Variants in TUBGCP6 observed in about 807,000 individuals in gnomAD.
TUBGCP6 encodes the protein gamma-tubulin complex component 6.
Under a neutral mutation model 175.8 loss-of-function variants are expected in TUBGCP6, and 161 were observed. That is an observed-to-expected ratio of 0.92 (90% confidence interval 0.81 to 1.04). The LOEUF (loss-of-function observed/expected upper bound fraction) is 1.04, where lower values mean the gene tolerates loss of function less well. Among genes scored for constraint, TUBGCP6 ranks in the 50% least tolerant of loss-of-function variants. TUBGCP6 has a pLI of 0.00. For missense variants in TUBGCP6, 2,572 were observed against 2,433.0 expected (o/e 1.06, Z -1.20); for synonymous variants, 1,173 against 1,030.5 (o/e 1.14, Z -2.65).
intron 4 of TUBGCP6, 100 bp downstream of exon 4, chr22:50,229,304 G>C (rs2064658673): frequency 7.5e-7 from 1 of 1,326,656 alleles, no homozygotes; most frequent in Admixed American, 2.3e-5. Flanking sequence ...AAAAGGTTTA[G>C]ACTCTCTGGT....
In TUBGCP6 at chr22:50,221,593, C is replaced by G; in HGVS notation, c.2766G>C (p.Leu922=). 1 of 1,569,888 alleles carries G rather than the reference C, an allele frequency of 6.4e-7. No homozygotes were observed. Residue 922 remains leucine (L), a synonymous_variant, in exon 16 of 25, where the codon CTG becomes CTC. Transcript: ENST00000248846. The stretch of plus-strand genomic sequence containing the variant: ...GGGGCAGGTCCAAGTTAATGGTCTG[C>G]AGCGCCACCTCCAGGAGAGGGACCA... ...TGMVPLLEVA[L]QTINLDLPPS...
In TUBGCP6 at chr22:50,220,859, G is replaced by C. The variant is rs1156839408; in HGVS notation, c.3500C>G (p.Ala1167Gly). 1.2e-6 allele frequency: 2 copies of C among 1,607,672 alleles called. No individual in the cohort carries two copies. Among genetic ancestry groups the C allele is most frequent in the Non-Finnish European group, 1.7e-6 (2 of 1,176,418 alleles). The change falls in exon 16 of 25, where the codon GCC (alanine) becomes GGC (glycine). Residue 1167 changes from alanine (A) to glycine (G), a missense_variant. Ala to Gly is a moderately conservative substitution (Grantham distance 60). Coordinates refer to ENST00000248846, the MANE Select transcript of TUBGCP6 (RefSeq NM_020461.4). ...CACAGACTCCCCCAAGCTGATGCTGGCATCGGACACGTGTCCATGGGTGTT... is the reference window on the plus strand; with the variant it reads ...CACAGACTCCCCCAAGCTGATGCTGCCATCGGACACGTGTCCATGGGTGTT... ...RWNTHGHVSD[A>G]SISLGESVSD...
In TUBGCP6 at chr22:50,221,062, G is replaced by A; in HGVS notation, c.3297C>T (p.Pro1099=). The A allele has an allele frequency of 6.2e-7, 1 of 1,613,044 alleles. No individual in the cohort carries two copies. The part of the protein sequence containing the change: ...SLGESVSDVA[P]TRPRWNIHGH... ...CATGGATGTTCCACCGTGGCCGAGT[G>A]GGAGCCACATCTGACACAGACTCCC... The change falls in exon 16 of 25, where the codon CCC becomes CCT. Residue 1099 remains proline, a synonymous_variant. Transcript: ENST00000248846.
chr22:50,232,649 C>T (rs898692850), intron 3 of TUBGCP6, among the ~76,000 whole-genome samples: 1 of 152,200 alleles, frequency 6.6e-6, no homozygotes, highest in Non-Finnish European at 1.5e-5. Context: ...TGAGAACAGG[C>T]GCCCTCAGCG....
intron 3 of TUBGCP6, among the ~76,000 whole-genome samples, chr22:50,232,634 G>A (rs1017173655): frequency 6.6e-6 from 1 of 152,214 alleles, no homozygotes; most frequent in Non-Finnish European, 1.5e-5. Flanking sequence ...CTGTGAGCAC[G>A]GTGTTGAGAA....
chr22:50,235,111 T>C (rs59435273), intron 2 of TUBGCP6, among the ~76,000 whole-genome samples: 52 of 138,634 alleles, frequency 3.8e-4, no homozygotes, highest in African/African-American at 1.4e-3. Flanking sequence ...CCCTATCCAC[T>C]GCAGCATCAT....
At position 50,218,624 on chromosome 22, in the gene TUBGCP6, C is replaced by T. The variant is rs1172898025; in HGVS notation, c.4822-4G>A. On this transcript the variant is annotated splice_region_variant and splice_polypyrimidine_tract_variant and intron_variant, in intron 21 of 24. Coordinates refer to ENST00000248846, the MANE Select transcript of TUBGCP6 (RefSeq NM_020461.4). ...CAATGTTGAGAGGCCAGTCCACCTG[C>T]CAGGAGGCGTGGCTCAGCAGGCATC... is the stretch of plus-strand genomic sequence containing the variant. 6.2e-7 allele frequency: 1 copy of T among 1,613,766 alleles called. No homozygotes were observed. The highest frequency in any genetic ancestry group is 8.5e-7 in the Non-Finnish European group (1 of 1,179,928).
At chr22:50,232,564 A>C (rs184125398) in intron 3 of TUBGCP6, among the ~76,000 whole-genome samples, 1 of 152,130 alleles carries the variant, frequency 6.6e-6, no homozygotes, top group East Asian at 1.9e-4. Flanking sequence ...CTCAAAAAAA[A>C]AAAAGAGAGT....
rs1183134460 is a variant in TUBGCP6 at position 50,243,985 on chromosome 22, C to T, written c.475G>A (p.Asp159Asn). The change falls in exon 1 of 25, where the codon GAC becomes AAC. Residue 159 changes from aspartate to asparagine, a missense_variant. By Grantham distance (23) the Asp-to-Asn change is conservative. Transcript: ENST00000248846. Reference sequence around the variant, plus strand: ...TCTCTGGAGATCAGAGACTGAACGTCCATCTCAAACACACTCAGGTCGTCG... The same window carrying T: ...TCTCTGGAGATCAGAGACTGAACGTTCATCTCAAACACACTCAGGTCGTCG... ...DCDDLSVFEMDVQSLISREEC... is the reference protein window; with the variant it reads ...DCDDLSVFEMNVQSLISREEC... The T allele has an allele frequency of 7.4e-6, 12 of 1,614,058 alleles. No homozygotes were observed. The highest frequency in any genetic ancestry group is 1.0e-5 in the Non-Finnish European group (12 of 1,180,056).
In TUBGCP6 at chr22:50,222,606, C is replaced by T. The variant is rs754014554; in HGVS notation, c.2271-14G>A. On this transcript the variant is annotated splice_polypyrimidine_tract_variant and intron_variant, in intron 13 of 24. Coordinates refer to ENST00000248846, the MANE Select transcript of TUBGCP6 (RefSeq NM_020461.4). ...ACCAGTGCCTGCCTGAAGCCACACACCAGAGAGGACACGGCCACAAGAGTC... is the reference window on the plus strand; with the variant it reads ...ACCAGTGCCTGCCTGAAGCCACACATCAGAGAGGACACGGCCACAAGAGTC... 1.9e-6 allele frequency: 3 copies of T among 1,608,628 alleles called. No individual in the cohort carries two copies. The highest frequency in any genetic ancestry group is 1.7e-6 in the Non-Finnish European group (2 of 1,179,516).
intron 16 of TUBGCP6, 116 bp downstream of exon 16, chr22:50,220,135 G>C: frequency 6.5e-7 from 1 of 1,549,016 alleles, no homozygotes; most frequent in Non-Finnish European, 8.8e-7. Context: ...CCAGGTCCTG[G>C]CTGACAAGGA....
intron 2 of TUBGCP6, among the ~76,000 whole-genome samples, chr22:50,233,863 T>G (rs547201618): frequency 6.6e-6 from 1 of 152,178 alleles, no homozygotes; most frequent in Admixed American, 6.5e-5. Context: ...AAGATGGTGA[T>G]TCACTCATAA....
In TUBGCP6 at chr22:50,220,519, C is replaced by T; in HGVS notation, c.3840G>A (p.Gly1280=). The T allele has an allele frequency of 6.2e-7, 1 of 1,613,560 alleles. No homozygotes were observed. Among genetic ancestry groups the T allele is most frequent in the East Asian group, 2.2e-5 (1 of 44,884 alleles). The change falls in exon 16 of 25, where the codon GGG becomes GGA. Residue 1280 remains glycine (G), a synonymous_variant. Transcript: ENST00000248846. ...VPIPPPHMVL[G]ALSPEAEPNT... ...TGGGCTCAGCTTCTGGTGAGAGAGCCCCCAGCACCATGTGGGGCGGAGGGA... is the reference window on the plus strand; with the variant it reads ...TGGGCTCAGCTTCTGGTGAGAGAGCTCCCAGCACCATGTGGGGCGGAGGGA...
intron 20 of TUBGCP6, 60 bp downstream of exon 20, chr22:50,219,008 G>A: frequency 4.4e-6 from 7 of 1,602,110 alleles, no homozygotes; most frequent in Non-Finnish European, 6.0e-6. Context: ...CGTGCAGCCA[G>A]TCTCTCTTTT....
At position 50,233,297 on chromosome 22, in the gene TUBGCP6, G is replaced by A. The variant is rs2064716974; in HGVS notation, c.1116+19C>T. The A allele has an allele frequency of 1.9e-6, 3 of 1,605,312 alleles. No homozygotes were observed. The highest frequency in any genetic ancestry group is 1.1e-5 in the South Asian group (1 of 90,486). Reference sequence around the variant, plus strand: ...AGGCCAGCCCCACACCACTGTGGCGGGGAGTGAGCAGTTCTCACCTGGCAG... The same window carrying A: ...AGGCCAGCCCCACACCACTGTGGCGAGGAGTGAGCAGTTCTCACCTGGCAG... On this transcript the variant is annotated intron_variant, in intron 3 of 24. Transcript: ENST00000248846.
At position 50,219,247 on chromosome 22, in the gene TUBGCP6, G is replaced by A. The variant is rs531345515; in HGVS notation, c.4485-38C>T. ...AGCTGGAGTCAGGGCGGGCCAGGAC[G>A]GGCTGGGTGGGCAGACTGGCGCAGG... On this transcript the variant is annotated intron_variant, in intron 19 of 24. Transcript: ENST00000248846. 1.9e-4 allele frequency: 303 copies of A among 1,610,314 alleles called. 1 individual carries two copies. The South Asian group carries it at 2.0e-3, about 11-fold the overall frequency.
intron 3 of TUBGCP6, among the ~76,000 whole-genome samples, chr22:50,232,620 T>C (rs902604988): frequency 2.6e-5 from 4 of 151,790 alleles, no homozygotes; most frequent in African/African-American, 9.7e-5. Flanking sequence ...ACAGACAAGA[T>C]GAGCTGTGAG....
chr22:50,228,423 A>G (rs1569118372), intron 4 of TUBGCP6, among the ~76,000 whole-genome samples: 1 of 152,098 alleles, frequency 6.6e-6, no homozygotes, highest in African/African-American at 2.4e-5. Context: ...CTCTGTGCAC[A>G]GACACTAGTG....
chr22:50,232,499 C>T (rs981075827), intron 3 of TUBGCP6, among the ~76,000 whole-genome samples: 1 of 151,946 alleles, frequency 6.6e-6, no homozygotes, highest in Non-Finnish European at 1.5e-5. Flanking sequence ...GTCGAGGCTA[C>T]TGTGAGCTGT....
Sources: gnomAD v4.1 joint callset for allele counts (sites outside exome capture counted in the v4.1 genomes callset) on GRCh38, gnomAD v4.1.1 for gene constraint, MANE v1.5 for transcripts, NCBI Gene and HGNC (gene_info 2026-07-23, HGNC 2026-07-21) for gene names.